Variants in PRDM2 observed in about 807,000 individuals in gnomAD.
PRDM2 encodes the protein PR/SET domain 2, also known as PR domain zinc finger protein 2.
PRDM2 carries 30 observed loss-of-function variants against 130.0 expected under a neutral mutation model. The observed-to-expected ratio is 0.23, with a 90% CI of 0.17 to 0.31. The LOEUF (loss-of-function observed/expected upper bound fraction) is 0.31. PRDM2 is among the 10% of genes least tolerant of loss of function. PRDM2 has a pLI of 1.00. For missense variants in PRDM2, 2,011 were observed against 2,108.4 expected, an observed-to-expected ratio of 0.95 and a Z score of 0.90; for synonymous variants, 871 against 782.4, an observed-to-expected ratio of 1.11 and a Z score of -1.89.
intron 2 of PRDM2, among the ~76,000 whole-genome samples, chr1:13,729,419 T>C (rs1557604120): frequency 1.3e-5 from 2 of 152,232 alleles, no homozygotes; most frequent in Non-Finnish European, 2.9e-5. Flanking sequence ...CTGGCTAATA[T>C]TTGTTAATGT....
intron 8 of PRDM2, among the ~76,000 whole-genome samples, chr1:13,808,355 G>A (rs1486473160): frequency 6.6e-6 from 1 of 151,874 alleles, no homozygotes; most frequent in African/African-American, 2.4e-5. Flanking sequence ...GCCGGGCGTG[G>A]TGGCGGGCTG....
At chr1:13,818,822 C>T (rs1364408503) in intron 9 of PRDM2, among the ~76,000 whole-genome samples, 1 of 152,178 alleles carries the variant, frequency 6.6e-6, no homozygotes, top group Non-Finnish European at 1.5e-5. Context: ...ACCTGTCTCT[C>T]TGGGGCCGGC....
intron 8 of PRDM2, chr1:13,786,521 C>T: frequency 6.2e-7 from 1 of 1,610,566 alleles, no homozygotes; most frequent in South Asian, 1.1e-5. Context: ...CTAGGAACTT[C>T]CTGTAGAAAA....
chr1:13,731,312 G>A (rs1438157306), intron 3 of PRDM2, among the ~76,000 whole-genome samples, 195 bp downstream of exon 3: 1 of 151,926 alleles, frequency 6.6e-6, no homozygotes, highest in Non-Finnish European at 1.5e-5. Context: ...ATAAAACCAG[G>A]AACACACAAA....
intron 6 of PRDM2, among the ~76,000 whole-genome samples, chr1:13,767,506 A>G (rs969482214): frequency 4.1e-5 from 6 of 144,616 alleles, no homozygotes; most frequent in Admixed American, 1.4e-4. Context: ...GGGTCTCACT[A>G]TGTTGCCAAG....
At position 13,780,299 on chromosome 1, in the gene PRDM2, A is replaced by C. The variant is rs1246661010; in HGVS notation, c.2504A>C (p.Glu835Ala). Residue 835 changes from glutamate to alanine, a missense_variant, in exon 8 of 10, where the codon GAG becomes GCG. Coordinates refer to ENST00000311066, the MANE Select transcript of PRDM2 (RefSeq NM_001393986.1). ...DLSSGVKQKA[E>A]GTGKTPVQWE... ...TCCAGCGGTGTCAAACAGAAGGCTG[A>C]GGGTACAGGCAAGACTCCAGTCCAG... 1 of 1,614,074 alleles carries C rather than the reference A, an allele frequency of 6.2e-7. No homozygotes were observed. The highest frequency in any genetic ancestry group is 1.3e-5 in the African/African-American group (1 of 74,924).
chr1:13,778,908 C>G lies in PRDM2; in HGVS notation c.1113C>G (p.Thr371=). ...AACATTGTGAAAGGAAGTTTACAAC[C>G]AAACAGGGGCTTGAGCGTCACATGC... ...PCQHCERKFT[T]KQGLERHMHI... Residue 371 remains threonine, a synonymous_variant, in exon 8 of 10, where the codon ACC becomes ACG. Transcript: ENST00000311066. The G allele has an allele frequency of 6.2e-7, 1 of 1,614,172 alleles. No homozygotes were observed. Among genetic ancestry groups the G allele is most frequent in the Non-Finnish European group, 8.5e-7 (1 of 1,180,038 alleles).
At chr1:13,785,481 G>C (rs186832081) in intron 8 of PRDM2, among the ~76,000 whole-genome samples, 36 of 152,252 alleles carry the variant, frequency 2.4e-4, no homozygotes, top group African/African-American at 7.7e-4. Flanking sequence ...CTTGCAATCA[G>C]CCATATGATT....
intron 8 of PRDM2, among the ~76,000 whole-genome samples, chr1:13,784,988 T>C (rs1348486899): frequency 6.6e-6 from 1 of 152,218 alleles, no homozygotes; most frequent in Non-Finnish European, 1.5e-5. Flanking sequence ...GACACAAAAG[T>C]GGGCATTTCT....
chr1:13,784,323 T>G (rs370130884), intron 8 of PRDM2, among the ~76,000 whole-genome samples: 9 of 152,152 alleles, frequency 5.9e-5, no homozygotes, highest in Non-Finnish European at 5.9e-5. Context: ...ATGATCAAAT[T>G]GAGTCCTTTT....
intron 8 of PRDM2, among the ~76,000 whole-genome samples, chr1:13,812,877 C>G (rs1645195890): frequency 6.6e-6 from 1 of 152,184 alleles, no homozygotes; most frequent in Non-Finnish European, 1.5e-5. Flanking sequence ...CAGCCCTGCT[C>G]TCTGTTGGCA....
chr1:13,788,302 C>T (rs966696138), intron 8 of PRDM2, among the ~76,000 whole-genome samples: 3 of 152,218 alleles, frequency 2.0e-5, no homozygotes, highest in Admixed American at 6.5e-5. Flanking sequence ...ACAACGGTGC[C>T]GAGAAGTACC....
intron 1 of PRDM2, among the ~76,000 whole-genome samples, chr1:13,712,464 C>G (rs375742557): frequency 1.3e-5 from 2 of 152,176 alleles, no homozygotes; most frequent in East Asian, 1.9e-4. Context: ...TCCTCCCATG[C>G]CCTCAGGACC....
intron 8 of PRDM2, among the ~76,000 whole-genome samples, chr1:13,812,796 G>T (rs889312683): frequency 6.6e-6 from 1 of 152,224 alleles, no homozygotes; most frequent in Non-Finnish European, 1.5e-5. Flanking sequence ...ACACCCACTA[G>T]GAGCATCTCA....
intron 8 of PRDM2, among the ~76,000 whole-genome samples, chr1:13,814,272 C>T (rs978036856): frequency 3.9e-5 from 6 of 152,158 alleles, no homozygotes; most frequent in East Asian, 1.9e-4. Flanking sequence ...ATGGGTCCTC[C>T]GTTTCCTCCT....
At chr1:13,758,524 A>G (rs1321434690) in intron 6 of PRDM2, among the ~76,000 whole-genome samples, 2 of 151,964 alleles carry the variant, frequency 1.3e-5, no homozygotes, top group Non-Finnish European at 2.9e-5. Context: ...GCAGAACTAC[A>G]GTTTGTAATC....
intron 7 of PRDM2, among the ~76,000 whole-genome samples, chr1:13,775,659 G>A (rs1473133529): frequency 2.0e-5 from 3 of 152,180 alleles, no homozygotes; most frequent in Non-Finnish European, 4.4e-5. Flanking sequence ...GAGCTTGTAT[G>A]AGTAATACTT....
chr1:13,762,631 A>G (rs1644126073), intron 6 of PRDM2, among the ~76,000 whole-genome samples: 1 of 152,170 alleles, frequency 6.6e-6, no homozygotes, highest in Non-Finnish European at 1.5e-5. Context: ...ATATTGGCAA[A>G]AAATAGAAAA....
At chr1:13,700,469 C>A (rs1235513327) in intron 1 of PRDM2, among the ~76,000 whole-genome samples, 169 bp downstream of exon 1, 1 of 149,960 alleles carries the variant, frequency 6.7e-6, no homozygotes, top group Non-Finnish European at 1.5e-5. Flanking sequence ...TGCCGGGGGC[C>A]CCGGGACGAG....
Sources: gnomAD v4.1 joint callset for allele counts (sites outside exome capture counted in the v4.1 genomes callset) on GRCh38, gnomAD v4.1.1 for gene constraint, MANE v1.5 for transcripts, NCBI Gene and HGNC (gene_info 2026-07-23, HGNC 2026-07-21) for gene names.